The following ATP8B2 variants were observed in gnomAD, a reference collection of about 807,000 sequenced individuals.
ATP8B2 encodes ATPase phospholipid transporting 8B2.
A neutral mutation model predicts 133.4 loss-of-function variants in ATP8B2; 70 were observed. The observed-to-expected ratio is 0.52, with a 90% confidence interval of 0.43 to 0.64. ATP8B2 has a LOEUF of 0.64. Among genes scored for constraint, ATP8B2 ranks in the 30% least tolerant of loss-of-function variants. The probability of loss-of-function intolerance (pLI) is 0.00; values close to 1 mark genes in which losing one functional copy is unlikely to be tolerated. For missense variants in ATP8B2, 1,101 were observed against 1,535.7 expected (o/e 0.72, Z 4.73); for synonymous variants, 517 against 589.5 (o/e 0.88, Z 1.78).
Position 154,331,957 on chromosome 1 carries a change from G to C in ATP8B2, c.442G>C (p.Asp148His). 6.2e-7 allele frequency: 1 copy of C among 1,613,964 alleles called. No homozygotes were observed. Among genetic ancestry groups the C allele is most frequent in the Non-Finnish European group, 8.5e-7 (1 of 1,179,818 alleles). Residue 148 changes from aspartate (D) to histidine (H), a missense_variant, in exon 8 of 28, where the codon GAT (aspartate) becomes CAT (histidine). By Grantham distance (81) the Asp-to-His change is moderately conservative (BLOSUM62 -1). Transcript: ENST00000368489. This position sits in a 1 kb window ranked among gnomAD's most constrained non-coding sequence, Gnocchi z 4.8. The part of the protein sequence containing the change: ...KLENNQFVAA[D>H]LLLLSSSEPH... ...TCTCATTAGTTTTTCTCTCTAGGCG[G>C]ATCTCCTCCTCCTTTCCAGCAGTGA...
Position 154,346,008 on chromosome 1 carries a change from C to A in ATP8B2, c.2778+125C>A. The A allele has an allele frequency of 8.9e-7, 1 of 1,128,290 alleles. No homozygotes were observed. The highest frequency in any genetic ancestry group is 1.3e-6 in the Non-Finnish European group (1 of 768,750). The allele number at this position is 1,128,290 out of a possible 1,614,324, so 69.9% of individuals were successfully genotyped here. ...CCACTGGGAAGGCAGTTCTTTCAGCCGGGGAAGGTGTGGCTGGTTCTCCCT... is the reference window on the plus strand; with the variant it reads ...CCACTGGGAAGGCAGTTCTTTCAGCAGGGGAAGGTGTGGCTGGTTCTCCCT... On this transcript the variant is annotated intron_variant, in intron 24 of 27. Transcript: ENST00000368489. The surrounding 1 kb of genome is among the most constrained non-coding windows in gnomAD (Gnocchi z 4.5).
chr1:154,345,313 T>A lies in ATP8B2; in HGVS notation c.2471-9T>A. 6.2e-7 allele frequency: 1 copy of A among 1,613,790 alleles called. No individual in the cohort carries two copies. Among genetic ancestry groups the A allele is most frequent in the Non-Finnish European group, 8.5e-7 (1 of 1,179,954 alleles). On this transcript the variant is annotated splice_polypyrimidine_tract_variant and intron_variant, in intron 22 of 27. Coordinates refer to ENST00000368489, the MANE Select transcript of ATP8B2 (RefSeq NM_001370597.1). The surrounding 1 kb of genome is among the most constrained non-coding windows in gnomAD (Gnocchi z 5.6). ...ATCTTCACCCTCTTGTCATCTCTTG[T>A]CTCTGCAGCGGCTCACATTGGTGTG... is the stretch of plus-strand genomic sequence containing the variant.
chr1:154,331,112 C>T lies in ATP8B2; in HGVS notation c.269C>T (p.Thr90Ile). 1 of 1,614,028 alleles carries T rather than the reference C, an allele frequency of 6.2e-7. No individual in the cohort carries two copies. Among genetic ancestry groups the T allele is most frequent in the Non-Finnish European group, 8.5e-7 (1 of 1,179,928 alleles). ...TTIVPLVLVL[T>I]ITAVKDATDD... Reference sequence around the variant, plus strand: ...ATTGTGCCTTTGGTTCTTGTCCTCACCATCACAGCTGTTAAAGATGCCACT... The same window carrying T: ...ATTGTGCCTTTGGTTCTTGTCCTCATCATCACAGCTGTTAAAGATGCCACT... The change falls in exon 5 of 28, where the codon ACC becomes ATC. Residue 90 changes from threonine (T) to isoleucine (I), a missense_variant. Coordinates refer to ENST00000368489, the MANE Select transcript of ATP8B2 (RefSeq NM_001370597.1). The surrounding 1 kb of genome is among the most constrained non-coding windows in gnomAD (Gnocchi z 4.8).
rs774232377 is a variant in ATP8B2 at position 154,342,538 on chromosome 1, C to A, written c.1287+15C>A. 1.2e-6 allele frequency: 2 copies of A among 1,612,088 alleles called. No individual in the cohort carries two copies. The highest frequency in any genetic ancestry group is 1.7e-6 in the Non-Finnish European group (2 of 1,178,202). ...AATTGGGAGAGGTAAGATTCAGTCT[C>A]CCTAATTCTATGTGCCAGTGAAACA... On this transcript the variant is annotated intron_variant, in intron 14 of 27. Coordinates refer to ENST00000368489, the MANE Select transcript of ATP8B2 (RefSeq NM_001370597.1).
At chr1:154,330,744 G>C in intron 3 of ATP8B2, 71 bp from the exon 4 acceptor site, 1 of 1,311,518 alleles carries the variant, frequency 7.6e-7, no homozygotes, top group Non-Finnish European at 1.1e-6. Flanking sequence ...ATAAAGATGG[G>C]GGAGGCAGCC....
At chr1:154,348,186 A>G (rs1197617631) in intron 26 of ATP8B2, among the ~76,000 whole-genome samples, 2 of 152,164 alleles carry the variant, frequency 1.3e-5, no homozygotes, top group African/African-American at 2.4e-5. Context: ...GGGAAATTCA[A>G]GATGCCTGGT....
In ATP8B2 at chr1:154,332,719, G is replaced by T. The variant is rs776187208; in HGVS notation, c.589+22G>T. Reference sequence around the variant, plus strand: ...GACGGTGAGTAATTTTGGAGGAGCAGCCTGAAGGTAGAGGAGTGGGGTTGG... The same window carrying T: ...GACGGTGAGTAATTTTGGAGGAGCATCCTGAAGGTAGAGGAGTGGGGTTGG... On this transcript the variant is annotated intron_variant, in intron 9 of 27. Coordinates refer to ENST00000368489, the MANE Select transcript of ATP8B2 (RefSeq NM_001370597.1). The T allele has an allele frequency of 6.5e-6, 10 of 1,536,232 alleles. No individual in the cohort carries two copies. The East Asian group carries it at 2.4e-4, about 37-fold the overall frequency.
chr1:154,328,033 A>T lies in ATP8B2; in HGVS notation c.-37-72A>T, dbSNP rs1570843337. The stretch of plus-strand genomic sequence containing the variant: ...TCAGAGCTGGAGAAGAGGGTCTTCA[A>T]AAGAGGTCTCATGAGGGGAGGGAAG... On this transcript the variant is annotated intron_variant, in intron 1 of 27. Transcript: ENST00000368489. This position sits in a 1 kb window ranked among gnomAD's most constrained non-coding sequence, Gnocchi z 4.6. 7.7e-6 allele frequency: 12 copies of T among 1,551,244 alleles called. No homozygotes were observed. The highest frequency in any genetic ancestry group is 1.1e-5 in the Non-Finnish European group (12 of 1,122,954).
At position 154,350,643 on chromosome 1, in the gene ATP8B2, T is replaced by G. The variant is rs1232638574; in HGVS notation, c.*1525T>G. 3.3e-5 allele frequency: 5 copies of G among 152,276 alleles called. No homozygotes were observed. Among genetic ancestry groups the G allele is most frequent in the Non-Finnish European group, 1.5e-5 (1 of 68,088 alleles). 9.4% of individuals were successfully genotyped at this position (152,276 alleles called of 1,614,324 possible). A position where few individuals can be genotyped will look rare whatever the true frequency, so the allele number is the denominator to read the frequency against. On this transcript the variant is annotated 3_prime_UTR_variant, in exon 28 of 28. Coordinates refer to ENST00000368489, the MANE Select transcript of ATP8B2 (RefSeq NM_001370597.1). Reference sequence around the variant, plus strand: ...CCTTGTGCCGGGTAGTAGAGGAGGATAAGGGCAAAACCAGGCCCAGGCCAG... The same window carrying G: ...CCTTGTGCCGGGTAGTAGAGGAGGAGAAGGGCAAAACCAGGCCCAGGCCAG...
chr1:154,337,653 T>C (rs764706745), intron 12 of ATP8B2, 109 bp downstream of exon 12: 6 of 1,610,628 alleles, frequency 3.7e-6, no homozygotes, highest in Middle Eastern at 1.7e-4. Flanking sequence ...AGTCCTCTTC[T>C]TCCTGTACTG....
chr1:154,342,683 G>A (rs891277076), intron 14 of ATP8B2, 113 bp from the exon 15 acceptor site: 2 of 1,463,608 alleles, frequency 1.4e-6, no homozygotes, highest in African/African-American at 2.8e-5. Context: ...TGGAAATTTT[G>A]AGGTCCACCG....
chr1:154,346,720 G>A lies in ATP8B2; in HGVS notation c.3125G>A (p.Gly1042Glu), dbSNP rs766471732. 2.5e-6 allele frequency: 4 copies of A among 1,614,142 alleles called. No individual in the cohort carries two copies. The highest frequency in any genetic ancestry group is 2.7e-5 in the African/African-American group (2 of 75,008). The change falls in exon 26 of 28, where the codon GGG becomes GAG. Residue 1042 changes from glycine to glutamate, a missense_variant. Transcript: ENST00000368489. The surrounding 1 kb of genome is among the most constrained non-coding windows in gnomAD (Gnocchi z 4.5). Reference sequence around the variant, plus strand: ...ATCCTCTTTGCCATGCACAGCAATGGGCTCTTCGACATGTTTCCCAACCAG... The same window carrying A: ...ATCCTCTTTGCCATGCACAGCAATGAGCTCTTCGACATGTTTCCCAACCAG... The part of the protein sequence containing the change: ...FAILFAMHSN[G>E]LFDMFPNQFR...
chr1:154,345,545 G>T lies in ATP8B2; in HGVS notation c.2694G>T (p.Gln898His). Residue 898 changes from glutamine (Q) to histidine (H), a missense_variant and splice_region_variant, in exon 23 of 28, where the codon CAG becomes CAT. Coordinates refer to ENST00000368489, the MANE Select transcript of ATP8B2 (RefSeq NM_001370597.1). This position sits in a 1 kb window ranked among gnomAD's most constrained non-coding sequence, Gnocchi z 5.6. ...WFGFFCGFSA[Q>H]TVYDQYFITL... ...GCTTCTTCTGTGGCTTCTCAGCCCAGGTAATAAATGTTCCCAGTCCACTGT... is the reference window on the plus strand; with the variant it reads ...GCTTCTTCTGTGGCTTCTCAGCCCATGTAATAAATGTTCCCAGTCCACTGT... 1 of 1,608,354 alleles carries T rather than the reference G, an allele frequency of 6.2e-7. No individual in the cohort carries two copies.
intron 27 of ATP8B2, 122 bp from the exon 28 acceptor site, chr1:154,348,718 C>G: frequency 2.2e-6 from 3 of 1,386,848 alleles, no homozygotes; most frequent in Non-Finnish European, 2.9e-6. Flanking sequence ...CAGCCTGGTC[C>G]CAGGTGCTGT....
At chr1:154,335,945 A>G (rs1686164943) in intron 11 of ATP8B2, among the ~76,000 whole-genome samples, 1 of 151,016 alleles carries the variant, frequency 6.6e-6, no homozygotes. Context: ...AGGTTGAGGC[A>G]GGAAAATGGC....
rs775352084 is a variant in ATP8B2, at chr1:154,344,198, T to C, written c.1979T>C (p.Ile660Thr). ...CTTCAGCAAGGGGTTCCAGAGACCA[T>C]TGCCCTCCTGACACTGGCCAACATC... is the stretch of plus-strand genomic sequence containing the variant. ...DKLQQGVPET[I>T]ALLTLANIKI... Residue 660 changes from isoleucine to threonine, a missense_variant, in exon 19 of 28, where the codon ATT (isoleucine) becomes ACT (threonine). Coordinates refer to ENST00000368489, the MANE Select transcript of ATP8B2 (RefSeq NM_001370597.1). This position sits in a 1 kb window ranked among gnomAD's most constrained non-coding sequence, Gnocchi z 4.1. 2.5e-6 allele frequency: 4 copies of C among 1,614,056 alleles called. No individual in the cohort carries two copies. The highest frequency in any genetic ancestry group is 2.2e-5 in the East Asian group (1 of 44,902).
Position 154,334,705 on chromosome 1 carries a change from C to T in ATP8B2, c.837+114C>T. ...GACTTCAGGTTTGGCTTTAAAGCTG[C>T]TAGCAGGTCAGCTACACAAAGGCAG... On this transcript the variant is annotated intron_variant, in intron 11 of 27. Coordinates refer to ENST00000368489, the MANE Select transcript of ATP8B2 (RefSeq NM_001370597.1). This position sits in a 1 kb window ranked among gnomAD's most constrained non-coding sequence, Gnocchi z 4.6. The T allele has an allele frequency of 1.2e-6, 1 of 808,354 alleles. No homozygotes were observed. Among genetic ancestry groups the T allele is most frequent in the Non-Finnish European group, 2.0e-6 (1 of 506,288 alleles). The allele number at this position is 808,354 out of a possible 1,614,324, so 50.1% of individuals were successfully genotyped here. A position where few individuals can be genotyped will look rare whatever the true frequency, so the allele number is the denominator to read the frequency against.
chr1:154,348,606 TG>T lies in ATP8B2; in HGVS notation c.3294+74del, dbSNP rs1178058945. On this transcript the variant is annotated intron_variant, in intron 27 of 27. Transcript: ENST00000368489. ...GGCTGGAAAGGCCTCATGTGAACAC[TG>T]GGGGGCTCTGTGGGGCCATGTGGCT... 83 of 1,578,228 alleles carry T rather than the reference TG, an allele frequency of 5.3e-5. No individual in the cohort carries two copies. The East Asian group carries it at 1.8e-3, about 34-fold the overall frequency.
chr1:154,335,597 C>T (rs1022787277), intron 11 of ATP8B2, among the ~76,000 whole-genome samples: 2 of 151,952 alleles, frequency 1.3e-5, no homozygotes, highest in African/African-American at 2.4e-5. Flanking sequence ...GAGGCTGAGG[C>T]GGGGGGATTG....
Sources: allele counts gnomAD v4.1 joint callset (sites outside exome capture counted in the v4.1 genomes callset), GRCh38; gene constraint gnomAD v4.1.1; non-coding constraint Gnocchi (gnomAD v3.1); transcripts MANE v1.5; gene names NCBI Gene and HGNC (gene_info 2026-07-23, HGNC 2026-07-21).